SFMBT2: variants seen among roughly 807,000 people sequenced by gnomAD.
SFMBT2 encodes the protein Scm like with four mbt domains 2.
In SFMBT2, 38 loss-of-function variants were observed where a neutral mutation model predicts 110.1. The ratio of observed to expected loss-of-function variants is 0.35; its 90% CI spans 0.27 to 0.45. The LOEUF is 0.45. SFMBT2 is among the 20% of genes least tolerant of loss of function. The pLI is 1.00. For missense variants in SFMBT2, 1,011 were observed against 1,094.9 expected, an observed-to-expected ratio of 0.92 and a Z score of 1.08; for synonymous variants, 425 against 425.4, an observed-to-expected ratio of 1.00 and a Z score of 0.01.
At chr10:7,276,848 A>G (rs769091467) in intron 7 of SFMBT2, 44 bp downstream of exon 7, 10 of 839,772 alleles carry the variant, frequency 1.2e-5, no homozygotes, top group Non-Finnish European at 1.9e-5. Flanking sequence ...AGATGATTTT[A>G]TTCTCAAAAA....
At chr10:7,176,248 G>A (rs1325268686) in intron 16 of SFMBT2, 83 bp from the exon 17 acceptor site, 1 of 1,382,898 alleles carries the variant, frequency 7.2e-7, no homozygotes, top group African/African-American at 1.4e-5. Context: ...TCCGAAGGCA[G>A]CAACTTCATT....
intron 7 of SFMBT2, among the ~76,000 whole-genome samples, chr10:7,255,647 A>G (rs1417112646): frequency 6.6e-6 from 1 of 152,192 alleles, no homozygotes; most frequent in African/African-American, 2.4e-5. Context: ...CCTTATTTTC[A>G]GCAGACTGAC....
chr10:7,182,078 C>T (rs1838260169), intron 16 of SFMBT2, among the ~76,000 whole-genome samples: 1 of 152,124 alleles, frequency 6.6e-6, no homozygotes, highest in Admixed American at 6.5e-5. Context: ...CAGGCTCTCA[C>T]CCAGGCTGGA....
rs147988658 is a variant in SFMBT2 at position 7,183,466 on chromosome 10, C to T, written c.1808+5158G>A. Among the ~76,000 whole-genome samples the T allele has an allele frequency of 2.8e-3, 421 of 152,286 alleles. 4 individuals carry two copies. Among genetic ancestry groups the T allele is most frequent in the African/African-American group, 9.5e-3 (396 of 41,550 alleles). On this transcript the variant is annotated intron_variant, in intron 16 of 20. Transcript: ENST00000397167. ...GTTGTCAGCGCAGGACACTGAGAAC[C>T]CCAGAGTCCACAGAAGATTATTTTA...
At chr10:7,242,200 A>T (rs974755329) in intron 9 of SFMBT2, among the ~76,000 whole-genome samples, 2 of 152,130 alleles carry the variant, frequency 1.3e-5, no homozygotes, top group African/African-American at 4.8e-5. Context: ...AAGGGATGAG[A>T]ATCCTTCGAC....
chr10:7,271,050 C>T (rs372823773), intron 7 of SFMBT2, among the ~76,000 whole-genome samples: 1 of 152,008 alleles, frequency 6.6e-6, no homozygotes, highest in Non-Finnish European at 1.5e-5. Flanking sequence ...TTTGGGAGGC[C>T]GAGGTGGGTG....
chr10:7,338,851 A>G (rs187774533), intron 4 of SFMBT2, among the ~76,000 whole-genome samples: 282 of 152,216 alleles, frequency 1.9e-3, no homozygotes, highest in African/African-American at 6.5e-3. Flanking sequence ...TTCCCAGGTT[A>G]TTTTGTCTCT....
chr10:7,182,713 G>A lies in SFMBT2; in HGVS notation c.1808+5911C>T, dbSNP rs868239401. On this transcript the variant is annotated intron_variant, in intron 16 of 20. Coordinates refer to ENST00000397167, the MANE Select transcript of SFMBT2 (RefSeq NM_001387889.1). ...AGGGGAACATCACACACTGGGGCCT[G>A]TTGTGGGGTGGGGGAGGGGGGAGGG... is the stretch of plus-strand genomic sequence containing the variant. 3.6e-4 allele frequency among the ~76,000 whole-genome samples: 47 copies of A among 131,292 alleles called. No individual in the cohort carries two copies. In the Middle Eastern group the frequency reaches 0.015, roughly 43 times the overall value. The allele number at this position is 131,292 out of a possible 152,430, so 86.1% of individuals were successfully genotyped here. A position where few individuals can be genotyped will look rare whatever the true frequency, so the allele number is the denominator to read the frequency against.
At position 7,197,697 on chromosome 10, in the gene SFMBT2, A is replaced by C; in HGVS notation, c.1559-10T>G. On this transcript the variant is annotated splice_polypyrimidine_tract_variant and intron_variant, in intron 14 of 20. Transcript: ENST00000397167. ...TTCCCGTTGACGGTTCCTGCAGGGGACAGCAACATAGTCCATGCTTAGGAC... is the reference window on the plus strand; with the variant it reads ...TTCCCGTTGACGGTTCCTGCAGGGGCCAGCAACATAGTCCATGCTTAGGAC... 1 of 1,613,172 alleles carries C rather than the reference A, an allele frequency of 6.2e-7. No individual in the cohort carries two copies. Among genetic ancestry groups the C allele is most frequent in the Non-Finnish European group, 8.5e-7 (1 of 1,179,750 alleles).
intron 4 of SFMBT2, among the ~76,000 whole-genome samples, chr10:7,365,992 A>G (rs1180384751): frequency 6.6e-6 from 1 of 152,126 alleles, no homozygotes; most frequent in African/African-American, 2.4e-5. Flanking sequence ...AAGAAAAGAA[A>G]AGAATAGTAC....
chr10:7,344,078 G>A (rs1224559160), intron 4 of SFMBT2, among the ~76,000 whole-genome samples: 13 of 152,266 alleles, frequency 8.5e-5, no homozygotes, highest in Admixed American at 3.3e-4. Flanking sequence ...GGGCTTTTTC[G>A]TGCCTTCCTG....
intron 7 of SFMBT2, 52 bp downstream of exon 7, chr10:7,276,840 A>T: frequency 2.4e-6 from 2 of 832,674 alleles, no homozygotes; most frequent in Non-Finnish European, 2.1e-6. Context: ...AACTTTGTAG[A>T]TGATTTTATT....
chr10:7,220,107 T>C (rs2131646897), intron 11 of SFMBT2, among the ~76,000 whole-genome samples: 1 of 152,366 alleles, frequency 6.6e-6, no homozygotes, highest in Middle Eastern at 3.4e-3. Context: ...TCAGTTTTAG[T>C]GACTCACATT....
In SFMBT2 at chr10:7,367,785, G is replaced by A. The variant is rs190186950; in HGVS notation, c.300C>T (p.Cys100=). 33 of 1,614,154 alleles carry A rather than the reference G, an allele frequency of 2.0e-5. No individual in the cohort carries two copies. The East Asian group carries it at 4.7e-4, about 23-fold the overall frequency. ...TYWVATIITT[C]GQLLLLRYCG... ...AGTAGCGCAGAAGCAGCAGCTGCCCGCACGTGGTAATGATCGTGGCCACCC... is the reference window on the plus strand; with the variant it reads ...AGTAGCGCAGAAGCAGCAGCTGCCCACACGTGGTAATGATCGTGGCCACCC... The change falls in exon 4 of 21, where the codon TGC becomes TGT. Residue 100 remains cysteine, a synonymous_variant. Coordinates refer to ENST00000397167, the MANE Select transcript of SFMBT2 (RefSeq NM_001387889.1). This position sits in a 1 kb window ranked among gnomAD's most constrained non-coding sequence, Gnocchi z 6.2.
At chr10:7,358,324 T>A (rs897952997) in intron 4 of SFMBT2, among the ~76,000 whole-genome samples, 4 of 151,700 alleles carry the variant, frequency 2.6e-5, no homozygotes, top group Non-Finnish European at 4.4e-5. Flanking sequence ...TGCATGGCCC[T>A]AGAACATCTG....
chr10:7,163,910 C>T lies in SFMBT2; in HGVS notation c.2545G>A (p.Asp849Asn), dbSNP rs1302366062. 1 of 1,611,718 alleles carries T rather than the reference C, an allele frequency of 6.2e-7. No individual in the cohort carries two copies. Among genetic ancestry groups the T allele is most frequent in the Non-Finnish European group, 8.5e-7 (1 of 1,178,892 alleles). ...AGCAGGAGTGCTTGGCCGTCAATAT[C>T]CTGCAGGAAAAGAAAGGCAGGTTAG... ...APLAKIFQEQ[D>N]IDGQALLLLT... Residue 849 changes from aspartate to asparagine, a missense_variant and splice_region_variant, in exon 21 of 21, where the codon GAT becomes AAT. Around this residue, in one of 2 missense-constraint regions of SFMBT2, gnomAD observed 32 missense variants for 78.8 expected, o/e 0.41. Coordinates refer to ENST00000397167, the MANE Select transcript of SFMBT2 (RefSeq NM_001387889.1). This position sits in a 1 kb window ranked among gnomAD's most constrained non-coding sequence, Gnocchi z 4.8.
chr10:7,235,479 A>T (rs1300614378), intron 9 of SFMBT2, among the ~76,000 whole-genome samples: 1 of 151,866 alleles, frequency 6.6e-6, no homozygotes, highest in African/African-American at 2.4e-5. Flanking sequence ...CCTGAATCTG[A>T]ACACCTTAAC....
At chr10:7,260,762 A>C (rs1370130751) in intron 7 of SFMBT2, among the ~76,000 whole-genome samples, 1 of 152,184 alleles carries the variant, frequency 6.6e-6, no homozygotes, top group African/African-American at 2.4e-5. Context: ...TACAATAAAA[A>C]AATCATCCTG....
rs767051819 is a variant in SFMBT2 at position 7,301,466 on chromosome 10, C to T, written c.437-15512G>A. On this transcript the variant is annotated intron_variant, in intron 4 of 20. Transcript: ENST00000397167. This position sits in a 1 kb window ranked among gnomAD's most constrained non-coding sequence, Gnocchi z 4.2. ...GAGGGACTAGAACAAAGTCCAGGCA[C>T]GGAGGCCCACAGGCCTGAAGGGGCC... 6.6e-6 allele frequency among the ~76,000 whole-genome samples: 1 copy of T among 152,322 alleles called. No homozygotes were observed. The highest frequency in any genetic ancestry group is 1.5e-5 in the Non-Finnish European group (1 of 68,020).
Sources: allele counts gnomAD v4.1 joint callset (sites outside exome capture counted in the v4.1 genomes callset), GRCh38; gene constraint gnomAD v4.1.1; regional missense constraint gnomAD v4.1.1; non-coding constraint Gnocchi (gnomAD v3.1); transcripts MANE v1.5; gene names NCBI Gene and HGNC (gene_info 2026-07-23, HGNC 2026-07-21).